Variants in UGT1A3 observed in about 807,000 individuals in gnomAD.
UGT1A3 encodes UDP glucuronosyltransferase family 1 member A3, also known as UDP-glucuronosyltransferase 1A3.
UGT1A3 carries 31 observed loss-of-function variants against 41.0 expected under a neutral mutation model. That is an observed-to-expected ratio of 0.76 (90% CI 0.57 to 1.02). The LOEUF (loss-of-function observed/expected upper bound fraction) is 1.02, where lower values mean the gene tolerates loss of function less well. Among genes scored for constraint, UGT1A3 ranks in the 50% least tolerant of loss-of-function variants. The probability of loss-of-function intolerance (pLI) is 0.00; values close to 1 mark genes in which losing one functional copy is unlikely to be tolerated. For synonymous variants in UGT1A3, 262 were observed against 257.6 expected (o/e 1.02, Z -0.17); for missense variants, 737 against 671.0 (o/e 1.10, Z -1.09).
intron 1 of UGT1A3, chr2:233,747,707 A>C (rs1693758037): frequency 1.2e-6 from 2 of 1,612,800 alleles, no homozygotes; most frequent in East Asian, 4.5e-5. Context: ...CTAAGTACCT[A>C]TCAATTCCTG....
rs62625011 is a variant in UGT1A3 at position 233,767,092 on chromosome 2, G to A, written c.926G>A (p.Gly309Glu). The A allele has an allele frequency of 2.5e-6, 4 of 1,614,070 alleles. No individual in the cohort carries two copies. In the Admixed American group the frequency reaches 5.0e-5, roughly 20 times the overall value. The change falls in exon 2 of 5, where the codon GGA becomes GAA. Residue 309 changes from glycine to glutamate, a missense_variant. Coordinates refer to ENST00000482026, the MANE Select transcript of UGT1A3 (RefSeq NM_019093.4). ...CATGGAATTGTGGTTTTCTCTTTGG[G>A]ATCAATGGTCTCAGAAATTCCAGAG... ...GEHGIVVFSL[G>E]SMVSEIPEKK...
chr2:233,749,380 T>C (rs1225630422), intron 1 of UGT1A3, among the ~76,000 whole-genome samples: 2 of 151,870 alleles, frequency 1.3e-5, no homozygotes, highest in African/African-American at 4.9e-5. Context: ...TTCTTCCAGT[T>C]TTTCAATGTG....
In UGT1A3 at chr2:233,729,342, G is replaced by T. The variant is rs368262266; in HGVS notation, c.216G>T (p.Glu72Asp). The change falls in exon 1 of 5, where the codon GAG becomes GAT. Residue 72 changes from glutamate (E) to aspartate (D), a missense_variant. Glu to Asp is a conservative substitution (Grantham distance 45). Transcript: ENST00000482026. ...TPEVNMHIKE[E>D]NFFTLTTYAI... Reference sequence around the variant, plus strand: ...AGGTGAATATGCACATCAAAGAAGAGAACTTTTTCACCCTGACAACCTATG... The same window carrying T: ...AGGTGAATATGCACATCAAAGAAGATAACTTTTTCACCCTGACAACCTATG... The T allele has an allele frequency of 1.2e-5, 19 of 1,614,080 alleles. No homozygotes were observed. Among genetic ancestry groups the T allele is most frequent in the Admixed American group, 6.7e-5 (4 of 60,016 alleles).
chr2:233,751,722 ACTCTTC>A (rs1694794722), intron 1 of UGT1A3, among the ~76,000 whole-genome samples: 1 of 150,748 alleles, frequency 6.6e-6, no homozygotes, highest in African/African-American at 2.4e-5. Context: ...TCACAAGTGA[ACTCTTC>A]CTCTCTGTTT....
rs115410088 is a variant in UGT1A3, at chr2:233,772,335, T to C, written c.1381T>C (p.Phe461Leu). Residue 461 changes from phenylalanine to leucine, a missense_variant, in exon 5 of 5, where the codon TTC becomes CTC. Phe to Leu is a conservative substitution (Grantham distance 22, BLOSUM62 0). Coordinates refer to ENST00000482026, the MANE Select transcript of UGT1A3 (RefSeq NM_019093.4). ...GGTGGAGCCGCTGGACCTGGCCGTG[T>C]TCTGGGTGGAGTTTGTGATGAGGCA... Reference protein sequence around the residue: ...RPVEPLDLAVFWVEFVMRHKG... With the variant: ...RPVEPLDLAVLWVEFVMRHKG... The C allele has an allele frequency of 2.5e-5, 41 of 1,614,238 alleles. No individual in the cohort carries two copies. Among genetic ancestry groups the C allele is most frequent in the Non-Finnish European group, 3.4e-5 (40 of 1,180,030 alleles).
chr2:233,743,885 G>C (rs1351631369), intron 1 of UGT1A3: 1 of 1,366,928 alleles, frequency 7.3e-7, no homozygotes, highest in Non-Finnish European at 9.8e-7. Context: ...GGCCTGCCGG[G>C]GCACGTCCAG....
At position 233,749,723 on chromosome 2, in the gene UGT1A3, C is replaced by T. The variant is rs564280843; in HGVS notation, c.868-17311C>T. On this transcript the variant is annotated intron_variant, in intron 1 of 4. Coordinates refer to ENST00000482026, the MANE Select transcript of UGT1A3 (RefSeq NM_019093.4). ...GGTGATTGGATCATGGGGGCAGTTT[C>T]GCACCTGCTGGTCTCATCATAGTGA... 3.3e-5 allele frequency among the ~76,000 whole-genome samples: 5 copies of T among 151,978 alleles called. No individual in the cohort carries two copies. The South Asian group carries it at 6.2e-4, about 19-fold the overall frequency.
intron 1 of UGT1A3, chr2:233,755,212 T>G (rs1192331400): frequency 1.0e-5 from 11 of 1,054,576 alleles, no homozygotes; most frequent in Admixed American, 3.8e-5. Context: ...TACGCCTTCT[T>G]GATACCCTCG....
intron 1 of UGT1A3, among the ~76,000 whole-genome samples, chr2:233,735,584 T>C (rs2078671129): frequency 6.6e-6 from 1 of 152,234 alleles, no homozygotes; most frequent in Admixed American, 6.5e-5. Context: ...GCCCGTTAAT[T>C]GATGCAGTTT....
At chr2:233,743,851 C>G in intron 1 of UGT1A3, 1 of 1,367,244 alleles carries the variant, frequency 7.3e-7, no homozygotes, top group Non-Finnish European at 9.8e-7. Context: ...GCTTGCGGTA[C>G]GCCTTCTTGA....
intron 1 of UGT1A3, chr2:233,760,508 A>T (rs983416663): frequency 5.0e-6 from 8 of 1,614,272 alleles, no homozygotes; most frequent in Non-Finnish European, 6.8e-6. Flanking sequence ...GGAGCATTTT[A>T]CACCTTGAAG....
intron 4 of UGT1A3, 143 bp downstream of exon 4, chr2:233,768,582 C>CTTTTTTTTTTTTTTTTTTTTTTTTTTT (rs139595073): frequency 1.2e-6 from 1 of 867,188 alleles, no homozygotes; most frequent in Non-Finnish European, 1.4e-6. Flanking sequence ...TTTATTTCTT[C>CTTTTTTTTTTTTTTTTTTTTTTTTTTT]TTTTTTTTTT....
intron 1 of UGT1A3, chr2:233,747,696 G>C (rs1693755189): frequency 1.2e-6 from 2 of 1,611,556 alleles, no homozygotes; most frequent in Admixed American, 1.7e-5. Context: ...GGCAGTGCTG[G>C]CTAAGTACCT....
At chr2:233,747,450 T>G in intron 1 of UGT1A3, 1 of 1,609,050 alleles carries the variant, frequency 6.2e-7, no homozygotes, top group South Asian at 1.1e-5. Context: ...CCTGACAACC[T>G]ATGCCATTTC....
chr2:233,760,957 G>A (rs775797489), intron 1 of UGT1A3: 40 of 1,614,066 alleles, frequency 2.5e-5, no homozygotes, highest in Admixed American at 3.3e-5. Flanking sequence ...CTTTCTGTGC[G>A]ACGTGGTTTA....
chr2:233,749,542 G>C (rs531548646), intron 1 of UGT1A3, among the ~76,000 whole-genome samples: 1 of 151,958 alleles, frequency 6.6e-6, no homozygotes, highest in Non-Finnish European at 1.5e-5. Flanking sequence ...GTGTGGTAAA[G>C]AACAGGCTAA....
chr2:233,750,894 A>C lies in UGT1A3; in HGVS notation c.868-16140A>C, dbSNP rs543579784. 1.2e-3 allele frequency among the ~76,000 whole-genome samples: 186 copies of C among 151,880 alleles called. 5 individuals are homozygous for C. The highest frequency in any genetic ancestry group is 4.3e-3 in the African/African-American group (178 of 41,202). ...TGCATGGATGGAGCCCTTATAGAGAACCTCTGCTAGAGAAGGGTGGTAAAG... is the reference window on the plus strand; with the variant it reads ...TGCATGGATGGAGCCCTTATAGAGACCCTCTGCTAGAGAAGGGTGGTAAAG... On this transcript the variant is annotated intron_variant, in intron 1 of 4. Transcript: ENST00000482026.
At chr2:233,761,160 T>C (rs1333134836) in intron 1 of UGT1A3, 2 of 1,614,242 alleles carry the variant, frequency 1.2e-6, no homozygotes, top group Non-Finnish European at 8.5e-7. Flanking sequence ...AGGTGTGTAT[T>C]GGAGTGGGAC....
chr2:233,731,478 G>T lies in UGT1A3; in HGVS notation c.867+1485G>T, dbSNP rs546247495. 7.2e-5 allele frequency among the ~76,000 whole-genome samples: 11 copies of T among 152,100 alleles called. No individual in the cohort carries two copies. In the East Asian group the frequency reaches 2.1e-3, roughly 29 times the overall value. On this transcript the variant is annotated intron_variant, in intron 1 of 4. Transcript: ENST00000482026. ...AGGCCCTGGCGTGTGATGTTCCCTG[G>T]CCTGTGTCCAGTGTTCTTGCTGTTC... is the stretch of plus-strand genomic sequence containing the variant.
Sources: gnomAD v4.1 joint callset for allele counts (sites outside exome capture counted in the v4.1 genomes callset) on GRCh38, gnomAD v4.1.1 for gene constraint, MANE v1.5 for transcripts, NCBI Gene and HGNC (gene_info 2026-07-23, HGNC 2026-07-21) for gene names.